The following KAZN variants were observed in gnomAD, a reference collection of about 807,000 sequenced individuals.
KAZN encodes kazrin.
A neutral mutation model predicts 87.4 loss-of-function variants in KAZN; 40 were observed. The observed-to-expected ratio is 0.46, with a 90% CI of 0.36 to 0.60. The LOEUF (loss-of-function observed/expected upper bound fraction) is 0.60. KAZN is among the 20% of genes least tolerant of loss of function. KAZN has a pLI of 0.00. For missense variants in KAZN, 898 were observed against 1,073.9 expected (o/e 0.84, Z 2.29); for synonymous variants, 466 against 458.3 (o/e 1.02, Z -0.22).
chr1:14,245,565 C>T (rs1374612500), intron 2 of KAZN, among the ~76,000 whole-genome samples: 2 of 151,938 alleles, frequency 1.3e-5, no homozygotes, highest in African/African-American at 2.4e-5. Flanking sequence ...AACATATATC[C>T]CTGAGGACTT....
intron 2 of KAZN, among the ~76,000 whole-genome samples, chr1:14,330,430 GAGA>G (rs1252648319): frequency 2.2e-4 from 34 of 152,050 alleles, no homozygotes; most frequent in Non-Finnish European, 4.1e-4. Flanking sequence ...TGCCAGTGAG[GAGA>G]AGAAGCATTT....
At chr1:14,440,318 G>A (rs897429037) in intron 2 of KAZN, among the ~76,000 whole-genome samples, 12 of 152,302 alleles carry the variant, frequency 7.9e-5, no homozygotes, top group African/African-American at 2.2e-4. Flanking sequence ...CCAGTCCTCC[G>A]TGGGTTGATA....
chr1:13,983,118 G>A (rs550107292), intron 1 of KAZN, among the ~76,000 whole-genome samples: 4 of 152,246 alleles, frequency 2.6e-5, no homozygotes, highest in African/African-American at 4.8e-5. Context: ...GATCTCGCAC[G>A]GGGGCTGCAG....
At chr1:14,760,061 G>A (rs978189125) in intron 1 of KAZN, among the ~76,000 whole-genome samples, 7 of 151,972 alleles carry the variant, frequency 4.6e-5, no homozygotes, top group South Asian at 2.1e-4. Flanking sequence ...GACACACCCC[G>A]AGGTGTAACT....
intron 2 of KAZN, among the ~76,000 whole-genome samples, chr1:14,549,395 T>A (rs1673361631): frequency 1.3e-5 from 2 of 152,114 alleles, no homozygotes; most frequent in African/African-American, 4.8e-5. Context: ...GGTTTAAGTC[T>A]TCAGAGAGGA....
intron 1 of KAZN, among the ~76,000 whole-genome samples, chr1:14,674,155 T>C (rs1423031041): frequency 1.3e-5 from 2 of 152,212 alleles, no homozygotes; most frequent in Non-Finnish European, 2.9e-5. Context: ...TTCTTATTCA[T>C]ATTTCTAGTC....
intron 1 of KAZN, among the ~76,000 whole-genome samples, chr1:14,097,167 G>A (rs1216335517): frequency 6.6e-6 from 1 of 152,210 alleles, no homozygotes; most frequent in Non-Finnish European, 1.5e-5. Flanking sequence ...TGTGTTGAGT[G>A]CTATAGAGGC....
intron 2 of KAZN, among the ~76,000 whole-genome samples, chr1:14,468,143 G>A (rs1370181985): frequency 6.6e-6 from 1 of 152,160 alleles, no homozygotes; most frequent in African/African-American, 2.4e-5. Flanking sequence ...TTTTGGGTTG[G>A]AGGGACATGG....
At chr1:14,133,375 AAAAAAG>A (rs1645033669) in intron 1 of KAZN, among the ~76,000 whole-genome samples, 3 of 82,898 alleles carry the variant, frequency 3.6e-5, no homozygotes, top group African/African-American at 1.8e-4. Flanking sequence ...CAAAAAAAAA[AAAAAAG>A]AAAGAAAGAA....
In KAZN at chr1:15,081,353, C is replaced by T. The variant is rs964009121; in HGVS notation, c.1223-12827C>T. 2.6e-5 allele frequency among the ~76,000 whole-genome samples: 4 copies of T among 152,182 alleles called. No homozygotes were observed. The South Asian group carries it at 6.2e-4, about 24-fold the overall frequency. On this transcript the variant is annotated intron_variant, in intron 8 of 14. Coordinates refer to ENST00000376030, the MANE Select transcript of KAZN (RefSeq NM_201628.3). The surrounding 1 kb of genome is among the most constrained non-coding windows in gnomAD (Gnocchi z 4.1). ...CAAGCAAATGCTAAAACCAGTGTAC[C>T]TCTGGAAAATATAAGAGCCGGTTGT...
At position 14,087,879 on chromosome 1, in the gene KAZN, A is replaced by G. The variant is rs921838424; in HGVS notation, c.92-92556A>G. Among the ~76,000 whole-genome samples the G allele has an allele frequency of 4.0e-5, 6 of 151,848 alleles. No homozygotes were observed. The South Asian group carries it at 8.3e-4, about 21-fold the overall frequency. ...CATTTTGTGTAGTAATTTTGCATCT[A>G]TACTTTTGAGAAGTATTGGTTTGTA... is the stretch of plus-strand genomic sequence containing the variant. On this transcript the variant is annotated intron_variant, in intron 1 of 16. Coordinates refer to the KAZN transcript ENST00000636203.
chr1:14,188,024 C>T (rs1270967074), intron 2 of KAZN, among the ~76,000 whole-genome samples: 1 of 152,052 alleles, frequency 6.6e-6, no homozygotes, highest in Non-Finnish European at 1.5e-5. Context: ...TCTGGGGTTT[C>T]ACTGGGGGCA....
In KAZN at chr1:15,114,515, C is replaced by T. The variant is rs749876608; in HGVS notation, c.2208C>T (p.Pro736=). ...KIGRGFSSKD[P]DFHDDYGSLQ... ...GAAGGGGCTTCAGCAGCAAAGATCC[C>T]GATTTCCATGATGACTATGGCTCTC... Residue 736 remains proline, a synonymous_variant, in exon 15 of 15, where the codon CCC becomes CCT. Transcript: ENST00000376030. 6.8e-6 allele frequency: 11 copies of T among 1,611,854 alleles called. No individual in the cohort carries two copies. Among genetic ancestry groups the T allele is most frequent in the South Asian group, 2.2e-5 (2 of 90,338 alleles).
chr1:14,602,330 C>A (rs946301892), intron 1 of KAZN, among the ~76,000 whole-genome samples: 2 of 152,172 alleles, frequency 1.3e-5, no homozygotes, highest in Non-Finnish European at 2.9e-5. Context: ...CTTGTCTCTC[C>A]CTCCTGCAAC....
At position 14,629,089 on chromosome 1, in the gene KAZN, C is replaced by T. The variant is rs111237577; in HGVS notation, c.226+29866C>T. ...CTTGAACTCCTGACCTCAGGCGATCCGCCTGTCTTAGCCTCCCAAAGTGCT... is the reference window on the plus strand; with the variant it reads ...CTTGAACTCCTGACCTCAGGCGATCTGCCTGTCTTAGCCTCCCAAAGTGCT... On this transcript the variant is annotated intron_variant, in intron 1 of 14. Coordinates refer to ENST00000376030, the MANE Select transcript of KAZN (RefSeq NM_201628.3). 9.6e-3 allele frequency among the ~76,000 whole-genome samples: 1,465 copies of T among 152,158 alleles called. 23 individuals are homozygous for T. Among genetic ancestry groups the T allele is most frequent in the African/African-American group, 0.03 (1,262 of 41,500 alleles).
At chr1:14,814,414 C>T (rs1480895248) in intron 1 of KAZN, among the ~76,000 whole-genome samples, 1 of 152,152 alleles carries the variant, frequency 6.6e-6, no homozygotes, top group Non-Finnish European at 1.5e-5. Flanking sequence ...CGGGGTTTCA[C>T]CATGTTGGCC....
At position 15,008,176 on chromosome 1, in the gene KAZN, C is replaced by T. The variant is rs567491939; in HGVS notation, c.419-26573C>T. On this transcript the variant is annotated intron_variant, in intron 2 of 14. Coordinates refer to ENST00000376030, the MANE Select transcript of KAZN (RefSeq NM_201628.3). Reference sequence around the variant, plus strand: ...CCGAAGCTTATCTCCATGAGCCCAGCGCTTGGGCCACACCTCACCCATCCA... The same window carrying T: ...CCGAAGCTTATCTCCATGAGCCCAGTGCTTGGGCCACACCTCACCCATCCA... Among the ~76,000 whole-genome samples the T allele has an allele frequency of 7.2e-5, 11 of 152,340 alleles. No individual in the cohort carries two copies. In the East Asian group the frequency reaches 7.7e-4, roughly 11 times the overall value.
At chr1:14,497,947 T>C (rs938466768) in intron 2 of KAZN, among the ~76,000 whole-genome samples, 7 of 152,320 alleles carry the variant, frequency 4.6e-5, no homozygotes, top group South Asian at 2.1e-4. Flanking sequence ...TTTTAATGAC[T>C]TCCTATGCCT....
intron 1 of KAZN, among the ~76,000 whole-genome samples, chr1:13,952,094 C>A (rs1641368858): frequency 6.6e-6 from 1 of 152,128 alleles, no homozygotes; most frequent in South Asian, 2.1e-4. Context: ...AATCTCCTTT[C>A]TTTTAGCAGC....
Sources: allele counts gnomAD v4.1 joint callset (sites outside exome capture counted in the v4.1 genomes callset), GRCh38; gene constraint gnomAD v4.1.1; non-coding constraint Gnocchi (gnomAD v3.1); transcripts MANE v1.5; gene names NCBI Gene and HGNC (gene_info 2026-07-23, HGNC 2026-07-21).